Variants in RYR3 observed in about 807,000 individuals in gnomAD.
RYR3 encodes brain ryanodine receptor-calcium release channel.
In RYR3, 207 loss-of-function variants were observed where a neutral mutation model predicts 584.3. The ratio of observed to expected loss-of-function variants is 0.35; its 90% CI spans 0.32 to 0.40. The LOEUF (loss-of-function observed/expected upper bound fraction) is 0.40, where lower values mean the gene tolerates loss of function less well. Ranked by LOEUF, RYR3 falls within the 10% of genes least tolerant of loss-of-function variation. RYR3 has a pLI of 1.00. For synonymous variants in RYR3, 2,416 were observed against 2,248.5 expected, an observed-to-expected ratio of 1.07 and a Z score of -2.11; for missense variants, 5,616 against 6,089.2, an observed-to-expected ratio of 0.92 and a Z score of 2.59.
intron 18 of RYR3, among the ~76,000 whole-genome samples, chr15:33,612,430 G>T (rs976371908): frequency 6.6e-6 from 1 of 152,132 alleles, no homozygotes; most frequent in African/African-American, 2.4e-5. Flanking sequence ...GCACGGTCTC[G>T]GCTCTCTGCA....
intron 2 of RYR3, among the ~76,000 whole-genome samples, chr15:33,500,474 C>A (rs917795444): frequency 1.3e-5 from 2 of 152,150 alleles, no homozygotes; most frequent in Non-Finnish European, 2.9e-5. Flanking sequence ...TACTGTTTTC[C>A]ACATAGTGAG....
At position 33,859,230 on chromosome 15, in the gene RYR3, G is replaced by C. The variant is rs112236903; in HGVS notation, c.14143-345G>C. Reference sequence around the variant, plus strand: ...TTGCAGTTTATAGCACAGCCTGAAGGCCAGGCTAACACTCTTAAAATTAAA... The same window carrying C: ...TTGCAGTTTATAGCACAGCCTGAAGCCCAGGCTAACACTCTTAAAATTAAA... On this transcript the variant is annotated intron_variant, in intron 99 of 103. Transcript: ENST00000634891. 852 of 218,908 alleles carry C rather than the reference G, an allele frequency of 3.9e-3. 8 individuals carry two copies. The highest frequency in any genetic ancestry group is 0.018 in the African/African-American group (802 of 43,952). The allele number at this position is 218,908 out of a possible 1,614,324, so 13.6% of individuals were successfully genotyped here. A position where few individuals can be genotyped will look rare whatever the true frequency, so the allele number is the denominator to read the frequency against.
intron 10 of RYR3, among the ~76,000 whole-genome samples, chr15:33,551,477 G>A (rs1350756074): frequency 3.3e-5 from 5 of 152,088 alleles, no homozygotes; most frequent in Admixed American, 3.3e-4. Flanking sequence ...TTTGGTGCAG[G>A]GGTTCGGAGT....
chr15:33,863,427 C>A (rs1889247812), intron 102 of RYR3, among the ~76,000 whole-genome samples: 1 of 152,072 alleles, frequency 6.6e-6, no homozygotes, highest in Admixed American at 6.5e-5. Flanking sequence ...ACTCTCCACC[C>A]TCAGAAGGAC....
At chr15:33,407,322 G>C (rs1003182148) in intron 1 of RYR3, among the ~76,000 whole-genome samples, 1 of 152,330 alleles carries the variant, frequency 6.6e-6, no homozygotes, top group African/African-American at 2.4e-5. Context: ...TGTGACAGAA[G>C]AGAAGTAAAA....
intron 1 of RYR3, among the ~76,000 whole-genome samples, chr15:33,403,269 T>A (rs1373138231): frequency 1.3e-5 from 2 of 152,218 alleles, no homozygotes; most frequent in African/African-American, 4.8e-5. Flanking sequence ...ATGATACTCT[T>A]ATTCTTTTTA....
chr15:33,389,380 A>T (rs2041845686), intron 1 of RYR3, among the ~76,000 whole-genome samples: 1 of 152,202 alleles, frequency 6.6e-6, no homozygotes, highest in African/African-American at 2.4e-5. Context: ...AGTGATATGG[A>T]GATGATCAGT....
intron 89 of RYR3, 175 bp from the exon 90 acceptor site, chr15:33,840,650 C>T: frequency 1.6e-6 from 1 of 628,930 alleles, no homozygotes; most frequent in Middle Eastern, 2.5e-4. Flanking sequence ...CTTGGCATCT[C>T]TTCAGAGTCA....
intron 1 of RYR3, among the ~76,000 whole-genome samples, chr15:33,461,964 G>T (rs2048073001): frequency 6.6e-6 from 1 of 152,120 alleles, no homozygotes; most frequent in Non-Finnish European, 1.5e-5. Flanking sequence ...TTTCCTGAAT[G>T]AATGCATGAT....
intron 12 of RYR3, among the ~76,000 whole-genome samples, chr15:33,573,239 TGCA>T (rs1229273857): frequency 2.6e-5 from 4 of 152,002 alleles, no homozygotes; most frequent in African/African-American, 9.7e-5. Flanking sequence ...GGGTGTGGGC[TGCA>T]AAAGTTACAG....
chr15:33,660,332 G>A lies in RYR3; in HGVS notation c.4531G>A (p.Glu1511Lys), dbSNP rs1261580390. 6.3e-7 allele frequency: 1 copy of A among 1,591,366 alleles called. No homozygotes were observed. Among genetic ancestry groups the A allele is most frequent in the Admixed American group, 1.8e-5 (1 of 56,786 alleles). Reference protein sequence around the residue: ...SRMPNSFLKVETERVSERHGW... With the variant: ...SRMPNSFLKVKTERVSERHGW... ...CATGCCCAACAGCTTCCTGAAGGTG[G>A]AGACCGAGCGTGTGAGCGAGCGCCA... Residue 1511 changes from glutamate to lysine, a missense_variant, in exon 34 of 104, where the codon GAG becomes AAG. Transcript: ENST00000634891.
rs143520043 is a variant in RYR3, at chr15:33,711,124, C to G, written c.6619+4070C>G. ...CCACATGGCAAGGCTGCAAATTTTC[C>G]AAACTTTTACACTCTGTTCTTGTTT... On this transcript the variant is annotated intron_variant, in intron 43 of 103. Transcript: ENST00000634891. 6.1e-3 allele frequency among the ~76,000 whole-genome samples: 931 copies of G among 152,244 alleles called. 7 individuals carry two copies. Among genetic ancestry groups the G allele is most frequent in the African/African-American group, 0.021 (871 of 41,540 alleles).
At chr15:33,860,843 TCCACTGTC>T (rs1481141534) in intron 101 of RYR3, among the ~76,000 whole-genome samples, 184 bp downstream of exon 101, 3 of 151,302 alleles carry the variant, frequency 2.0e-5, no homozygotes, top group African/African-American at 7.4e-5. Context: ...TGCTGCCTCC[TCCACTGTC>T]CCACAATAGG....
chr15:33,358,711 T>A (rs964332301), intron 1 of RYR3, among the ~76,000 whole-genome samples: 1 of 151,656 alleles, frequency 6.6e-6, no homozygotes, highest in African/African-American at 2.4e-5. Flanking sequence ...CTCTGTTAGA[T>A]TTTGCTTCTT....
chr15:33,577,920 AAAG>A (rs1457299063), intron 12 of RYR3, among the ~76,000 whole-genome samples: 2 of 152,172 alleles, frequency 1.3e-5, no homozygotes, highest in African/African-American at 4.8e-5. Flanking sequence ...ATTTACAAGA[AAAG>A]AAAAACTCAT....
intron 1 of RYR3, among the ~76,000 whole-genome samples, chr15:33,454,868 G>C (rs776831362): frequency 1.3e-5 from 2 of 152,146 alleles, no homozygotes; most frequent in Non-Finnish European, 2.9e-5. Flanking sequence ...ATAGAGAAGA[G>C]GGCAGGAACC....
chr15:33,481,188 G>T (rs1010828455), intron 2 of RYR3, among the ~76,000 whole-genome samples: 1 of 152,032 alleles, frequency 6.6e-6, no homozygotes, highest in Non-Finnish European at 1.5e-5. Flanking sequence ...CCTTATGTAT[G>T]TATTTATATC....
At chr15:33,793,636 A>G (rs1041507034) in intron 67 of RYR3, among the ~76,000 whole-genome samples, 5 of 152,136 alleles carry the variant, frequency 3.3e-5, no homozygotes, top group African/African-American at 4.8e-5. Context: ...TTATTATACC[A>G]TACCCTTCTA....
At chr15:33,610,286 C>G (rs2060115437) in intron 18 of RYR3, among the ~76,000 whole-genome samples, 1 of 152,172 alleles carries the variant, frequency 6.6e-6, no homozygotes. Flanking sequence ...TTTTCCAAGT[C>G]TCAACTTGTC....
Sources: allele counts gnomAD v4.1 joint callset (sites outside exome capture counted in the v4.1 genomes callset), GRCh38; gene constraint gnomAD v4.1.1; transcripts MANE v1.5; gene names NCBI Gene and HGNC (gene_info 2026-07-23, HGNC 2026-07-21).